Variants in ZAR1L observed in about 807,000 individuals in gnomAD.
ZAR1L encodes zygote arrest 1 like.
ZAR1L carries 16 observed loss-of-function variants against 30.0 expected under a neutral mutation model. That is an observed-to-expected ratio of 0.53 (90% CI 0.36 to 0.81). The LOEUF (loss-of-function observed/expected upper bound fraction) is 0.81, where lower values mean the gene tolerates loss of function less well. Ranked by LOEUF, ZAR1L falls within the 30% of genes least tolerant of loss-of-function variation. The pLI, the probability that ZAR1L is intolerant of heterozygous loss-of-function variation, is 0.00. For missense variants in ZAR1L, 392 were observed against 417.2 expected (o/e 0.94, Z 0.53); for synonymous variants, 197 against 166.8 (o/e 1.18, Z -1.40).
intron 5 of ZAR1L, among the ~76,000 whole-genome samples, chr13:32,305,888 A>G (rs1400072548): frequency 6.6e-6 from 1 of 152,258 alleles, no homozygotes; most frequent in Non-Finnish European, 1.5e-5. Flanking sequence ...ATCAAAAATA[A>G]CCAGGTACTG....
chr13:32,307,103 A>G (rs1015338800), intron 5 of ZAR1L, among the ~76,000 whole-genome samples: 1 of 152,164 alleles, frequency 6.6e-6, no homozygotes, highest in African/African-American at 2.4e-5. Context: ...TACTGACTAT[A>G]CACAATAATC....
intron 5 of ZAR1L, among the ~76,000 whole-genome samples, chr13:32,307,498 CAAAAAAA>C (rs772822284): frequency 0.01 from 158 of 15,334 alleles, no homozygotes; most frequent in Non-Finnish European, 0.014. Context: ...GAGTCTGTCT[CAAAAAAA>C]AAAAAAAAAA....
intron 5 of ZAR1L, among the ~76,000 whole-genome samples, chr13:32,306,595 A>T (rs762807888): frequency 5.9e-5 from 9 of 152,242 alleles, no homozygotes; most frequent in Non-Finnish European, 1.3e-4. Flanking sequence ...AAGTATTTCC[A>T]ACCTAGAAAT....
chr13:32,308,792 GC>G, intron 4 of ZAR1L, 32 bp from the exon 5 acceptor site: 2 of 1,430,510 alleles, frequency 1.4e-6, no homozygotes, highest in East Asian at 2.5e-5. Flanking sequence ...TTTAATACAA[GC>G]TTTTATACAC....
intron 5 of ZAR1L, among the ~76,000 whole-genome samples, chr13:32,308,234 A>G (rs2072189849): frequency 6.6e-6 from 1 of 152,234 alleles, no homozygotes; most frequent in South Asian, 2.1e-4. Flanking sequence ...TGGAGACACC[A>G]TAGAATCCAG....
At position 32,314,450 on chromosome 13, in the gene ZAR1L, C is replaced by T. The variant is rs1371568020; in HGVS notation, c.-289G>A. On this transcript the variant is annotated 5_prime_UTR_variant, in exon 2 of 6. Coordinates refer to ENST00000533490, the MANE Select transcript of ZAR1L (RefSeq NM_001136571.2). ...AAGGTTTTGTAGGTCTTACAACAAA[C>T]CCTATTCAGCCTTGTATTAGGCATG... is the stretch of plus-strand genomic sequence containing the variant. 1 of 152,240 alleles carries T rather than the reference C, an allele frequency of 6.6e-6. No individual in the cohort carries two copies. The highest frequency in any genetic ancestry group is 2.4e-5 in the African/African-American group (1 of 41,460). The allele number at this position is 152,240 out of a possible 1,614,324, so 9.4% of individuals were successfully genotyped here.
chr13:32,305,119 C>G (rs1169415743), intron 5 of ZAR1L, among the ~76,000 whole-genome samples: 1 of 151,578 alleles, frequency 6.6e-6, no homozygotes, highest in Admixed American at 6.6e-5. Context: ...CCAAGATGTA[C>G]CTTTCTATAT....
chr13:32,309,896 C>T (rs372990949), intron 4 of ZAR1L, among the ~76,000 whole-genome samples: 232 of 152,320 alleles, frequency 1.5e-3, no homozygotes, highest in African/African-American at 5.2e-3. Flanking sequence ...AGTTTTCATC[C>T]GGAACTCAAT....
intron 5 of ZAR1L, among the ~76,000 whole-genome samples, chr13:32,307,256 C>G (rs765886011): frequency 6.6e-6 from 1 of 151,994 alleles, no homozygotes; most frequent in Non-Finnish European, 1.5e-5. Flanking sequence ...GTAATCCCAG[C>G]ACTTTGGGAG....
In ZAR1L at chr13:32,311,928, G is replaced by A. The variant is rs1479190959; in HGVS notation, c.-3C>T. 6 of 1,540,818 alleles carry A rather than the reference G, an allele frequency of 3.9e-6. No homozygotes were observed. The Admixed American group carries it at 6.0e-5, about 15-fold the overall frequency. On this transcript the variant is annotated 5_prime_UTR_variant, in exon 3 of 6. Transcript: ENST00000533490. Reference sequence around the variant, plus strand: ...GGAACACGGACAAAGCGCTCCATCCGCTCTCAGGTGCTCAGGCGCAGTCTA... The same window carrying A: ...GGAACACGGACAAAGCGCTCCATCCACTCTCAGGTGCTCAGGCGCAGTCTA...
intron 5 of ZAR1L, among the ~76,000 whole-genome samples, chr13:32,304,947 T>G (rs556645789): frequency 2.0e-5 from 3 of 151,884 alleles, no homozygotes; most frequent in African/African-American, 7.2e-5. Context: ...GTAGCTGGAA[T>G]TACAGGCAAT....
chr13:32,313,617 T>C (rs562523119), intron 2 of ZAR1L, among the ~76,000 whole-genome samples: 117 of 152,374 alleles, frequency 7.7e-4, no homozygotes, highest in African/African-American at 2.7e-3. Flanking sequence ...TCTGCCCACC[T>C]TGGCCTCCCA....
At chr13:32,312,216 G>A in intron 2 of ZAR1L, 123 bp from the exon 3 acceptor site, 2 of 371,678 alleles carry the variant, frequency 5.4e-6, no homozygotes, top group South Asian at 8.3e-5. Context: ...TTCATTTCCA[G>A]CTTATTCACA....
In ZAR1L at chr13:32,310,726, CA is replaced by C; in HGVS notation, c.659del (p.Leu220TrpfsTer49). 6.5e-7 allele frequency: 1 copy of C among 1,549,036 alleles called. No homozygotes were observed. Among genetic ancestry groups the C allele is most frequent in the Non-Finnish European group, 8.7e-7 (1 of 1,144,816 alleles). On this transcript the variant is annotated frameshift_variant, in exon 4 of 6. Transcript: ENST00000533490. LOFTEE classifies it high-confidence loss of function. ...EPLRRPNFQF[L>X]EPKYGYFHCK... The stretch of plus-strand genomic sequence containing the variant: ...AGTGGAAATAGCCATATTTTGGTTC[CA>C]AAAACTGAAAATAAAGAAGAAAAGT...
intron 2 of ZAR1L, among the ~76,000 whole-genome samples, 158 bp downstream of exon 2, chr13:32,314,172 G>C (rs1415578905): frequency 6.6e-6 from 1 of 152,116 alleles, no homozygotes; most frequent in African/African-American, 2.4e-5. Flanking sequence ...TTGGTAAGTG[G>C]CAGCTGTTAT....
rs1206720012 is a variant in ZAR1L at position 32,311,279 on chromosome 13, T to C, written c.647A>G (p.Asn216Ser). ...AGGGAAGAGAGGATCTACCTGGAAG[T>C]TGGGCCTCCGGAGCGGCTCGGAGGC... ...DAASEPLRRP[N>S]FQFLEPKYGY... is the part of the protein sequence containing the mutation. The change falls in exon 3 of 6, where the codon AAC becomes AGC. Residue 216 changes from asparagine to serine, a missense_variant. By Grantham distance (46) the Asn-to-Ser change is conservative. Coordinates refer to ENST00000533490, the MANE Select transcript of ZAR1L (RefSeq NM_001136571.2). The C allele has an allele frequency of 1.3e-5, 20 of 1,548,178 alleles. No individual in the cohort carries two copies. The highest frequency in any genetic ancestry group is 4.9e-5 in the East Asian group (2 of 40,918).
chr13:32,309,635 T>A (rs1410457404), intron 4 of ZAR1L, among the ~76,000 whole-genome samples: 2 of 152,222 alleles, frequency 1.3e-5, no homozygotes, highest in African/African-American at 2.4e-5. Context: ...TCCTGTGCTA[T>A]CTCTGCACTG....
At chr13:32,305,890 C>T (rs2138685070) in intron 5 of ZAR1L, among the ~76,000 whole-genome samples, 1 of 152,258 alleles carries the variant, frequency 6.6e-6, no homozygotes, top group East Asian at 1.9e-4. Context: ...CAAAAATAAC[C>T]AGGTACTGTA....
chr13:32,306,787 C>T (rs767180079), intron 5 of ZAR1L, among the ~76,000 whole-genome samples: 3 of 151,808 alleles, frequency 2.0e-5, no homozygotes, highest in Non-Finnish European at 4.4e-5. Flanking sequence ...AAAAATTAGC[C>T]GGGCGTGGTG....
Sources: allele counts gnomAD v4.1 joint callset (sites outside exome capture counted in the v4.1 genomes callset), GRCh38; gene constraint gnomAD v4.1.1; transcripts MANE v1.5; gene names NCBI Gene and HGNC (gene_info 2026-07-23, HGNC 2026-07-21).